PDE4D: variants seen among roughly 807,000 people sequenced by gnomAD.
PDE4D encodes the protein phosphodiesterase 4D, also known as 3',5'-cyclic-AMP phosphodiesterase 4D.
A neutral mutation model predicts 87.4 loss-of-function variants in PDE4D; 24 were observed. That is an observed-to-expected ratio of 0.27 (90% CI 0.20 to 0.39). PDE4D has a LOEUF of 0.39. PDE4D is among the 10% of genes least tolerant of loss of function. PDE4D has a pLI of 1.00. For missense variants in PDE4D, 714 were observed against 1,041.0 expected, an observed-to-expected ratio of 0.69 and a Z score of 4.32; for synonymous variants, 384 against 383.2, an observed-to-expected ratio of 1.00 and a Z score of -0.02.
intron 6 of PDE4D, among the ~76,000 whole-genome samples, chr5:59,025,335 T>C (rs1756009687): frequency 6.6e-6 from 1 of 152,214 alleles, no homozygotes; most frequent in Non-Finnish European, 1.5e-5. Context: ...AAAGTCTTTA[T>C]GGTCAAAGAA....
At chr5:60,516,075 C>T (rs546582719) in intron 1 of PDE4D, among the ~76,000 whole-genome samples, 1 of 152,216 alleles carries the variant, frequency 6.6e-6, no homozygotes, top group Admixed American at 6.5e-5. Flanking sequence ...TATACCATTT[C>T]ACTTGTGCTC....
At chr5:59,577,298 G>A (rs1823334909) in intron 1 of PDE4D, among the ~76,000 whole-genome samples, 1 of 152,108 alleles carries the variant, frequency 6.6e-6, no homozygotes, top group South Asian at 2.1e-4. Context: ...AGGTTTTGTG[G>A]AGAAGGAATT....
chr5:59,619,078 G>T (rs918280868), intron 1 of PDE4D, among the ~76,000 whole-genome samples: 2 of 152,168 alleles, frequency 1.3e-5, no homozygotes, highest in Non-Finnish European at 1.5e-5. Flanking sequence ...AAAAACTTTG[G>T]AGAATACTAG....
chr5:60,290,442 G>C (rs1752793852), intron 1 of PDE4D, among the ~76,000 whole-genome samples: 2 of 152,108 alleles, frequency 1.3e-5, no homozygotes, highest in Non-Finnish European at 2.9e-5. Context: ...AGAATTAATG[G>C]TTTGTTCAAA....
At position 58,975,119 on chromosome 5, in the gene PDE4D, G is replaced by A. The variant is rs769564876; in HGVS notation, c.2014-39C>T. The A allele has an allele frequency of 1.6e-6, 2 of 1,262,410 alleles. No individual in the cohort carries two copies. The highest frequency in any genetic ancestry group is 2.5e-5 in the East Asian group (1 of 40,004). The allele number at this position is 1,262,410 out of a possible 1,614,324, so 78.2% of individuals were successfully genotyped here. The stretch of plus-strand genomic sequence containing the variant: ...AAATCCAGTATGAGTAGAGGACTTG[G>A]GACTAAGAAACAATGGAAAAGCTTA... On this transcript the variant is annotated intron_variant, in intron 14 of 14. Transcript: ENST00000340635. This position sits in a 1 kb window ranked among gnomAD's most constrained non-coding sequence, Gnocchi z 4.2.
At chr5:60,042,202 T>C (rs1458562771) in intron 2 of PDE4D, among the ~76,000 whole-genome samples, 1 of 152,150 alleles carries the variant, frequency 6.6e-6, no homozygotes, top group African/African-American at 2.4e-5. Context: ...AAGTTCAAAC[T>C]GGGCTCAGCT....
chr5:59,100,246 G>A (rs762014477), intron 5 of PDE4D, among the ~76,000 whole-genome samples: 31 of 152,140 alleles, frequency 2.0e-4, no homozygotes, highest in Admixed American at 5.9e-4. Flanking sequence ...TAATAAGGTC[G>A]CCCTAACTTG....
chr5:59,086,757 A>G (rs563334432), intron 5 of PDE4D, among the ~76,000 whole-genome samples: 51 of 152,260 alleles, frequency 3.3e-4, no homozygotes, highest in African/African-American at 1.2e-3. Flanking sequence ...CCCATGTACA[A>G]TTCTTGAGTC....
At position 59,888,448 on chromosome 5, in the gene PDE4D, C is replaced by A. The variant is rs900407154; in HGVS notation, c.455+4720G>T. Among the ~76,000 whole-genome samples the A allele has an allele frequency of 1.3e-4, 19 of 151,862 alleles. 1 individual carries two copies. The highest frequency in any genetic ancestry group is 2.8e-4 in the Non-Finnish European group (19 of 67,954). ...TACCAAGACAATATTCTATTGGAGG[C>A]AAATCAAGAATAAAAGGTTCAAACT... On this transcript the variant is annotated intron_variant, in intron 1 of 14. Coordinates refer to ENST00000340635, the MANE Select transcript of PDE4D (RefSeq NM_001104631.2).
intron 5 of PDE4D, among the ~76,000 whole-genome samples, chr5:59,048,240 G>T (rs2153401676): frequency 6.6e-6 from 1 of 152,298 alleles, no homozygotes; most frequent in African/African-American, 2.4e-5. Flanking sequence ...TTTAAAAAAA[G>T]TTACAATTAT....
At chr5:59,629,734 G>A (rs887001586) in intron 1 of PDE4D, among the ~76,000 whole-genome samples, 19 of 152,150 alleles carry the variant, frequency 1.2e-4, no homozygotes, top group Non-Finnish European at 1.8e-4. Context: ...TGCAAATTGC[G>A]CATGTCATTT....
At chr5:59,850,939 G>A (rs568669369) in intron 1 of PDE4D, among the ~76,000 whole-genome samples, 1 of 152,154 alleles carries the variant, frequency 6.6e-6, no homozygotes, top group African/African-American at 2.4e-5. Context: ...AGAAAGCCCA[G>A]ATGATATTTG....
At chr5:59,483,699 CA>C (rs1179802361) in intron 1 of PDE4D, among the ~76,000 whole-genome samples, 1 of 151,964 alleles carries the variant, frequency 6.6e-6, no homozygotes, top group African/African-American at 2.4e-5. Flanking sequence ...TGGATGGTAC[CA>C]AAATGACCAC....
At chr5:60,509,355 C>G (rs557427967) in intron 1 of PDE4D, among the ~76,000 whole-genome samples, 1 of 152,208 alleles carries the variant, frequency 6.6e-6, no homozygotes, top group Non-Finnish European at 1.5e-5. Context: ...GCTGGAAATA[C>G]ACATGTGGCA....
intron 1 of PDE4D, among the ~76,000 whole-genome samples, chr5:59,461,947 C>T (rs1014699802): frequency 1.3e-5 from 2 of 152,068 alleles, no homozygotes; most frequent in Non-Finnish European, 1.5e-5. Flanking sequence ...ATTTAATGAA[C>T]AAAATTACTA....
At chr5:60,087,321 A>T (rs573309681) in intron 2 of PDE4D, among the ~76,000 whole-genome samples, 3 of 152,212 alleles carry the variant, frequency 2.0e-5, no homozygotes, top group Non-Finnish European at 4.4e-5. Context: ...CTTCAAACAC[A>T]CAAGCATCAA....
chr5:60,047,527 A>G (rs1265200365), intron 2 of PDE4D, among the ~76,000 whole-genome samples: 1 of 152,144 alleles, frequency 6.6e-6, no homozygotes, highest in Non-Finnish European at 1.5e-5. Flanking sequence ...TTCCCTCTAC[A>G]CACTGCTTTG....
At chr5:59,986,236 G>T (rs1214971881) in intron 3 of PDE4D, among the ~76,000 whole-genome samples, 2 of 152,100 alleles carry the variant, frequency 1.3e-5, no homozygotes, top group African/African-American at 2.4e-5. Flanking sequence ...TTGTGTTTTT[G>T]ATAGAGACAA....
At chr5:59,946,387 GAATTAGTTTGTCTTCAGGAAGCT>G (rs1757726577) in intron 3 of PDE4D, among the ~76,000 whole-genome samples, 1 of 152,128 alleles carries the variant, frequency 6.6e-6, no homozygotes, top group Non-Finnish European at 1.5e-5. Flanking sequence ...GGGAGGTCGG[GAATTAGTTTGTCTTCAGGAAGCT>G]AAAAGAGTTT....
Sources: gnomAD v4.1 joint callset for allele counts (sites outside exome capture counted in the v4.1 genomes callset) on GRCh38, gnomAD v4.1.1 for gene constraint, Gnocchi (gnomAD v3.1) non-coding constraint, MANE v1.5 for transcripts, NCBI Gene and HGNC (gene_info 2026-07-23, HGNC 2026-07-21) for gene names.